Variants in SLC7A10 observed in about 807,000 individuals in gnomAD.
The protein encoded by SLC7A10 is solute carrier family 7 member 10, also known as asc-type amino acid transporter 1.
A neutral mutation model predicts 52.7 loss-of-function variants in SLC7A10; 30 were observed. The observed-to-expected ratio is 0.57, with a 90% CI of 0.43 to 0.77. The LOEUF (loss-of-function observed/expected upper bound fraction) is 0.77. SLC7A10 is among the 30% of genes least tolerant of loss of function. SLC7A10 has a pLI of 0.00. For missense variants in SLC7A10, 581 were observed against 698.5 expected, an observed-to-expected ratio of 0.83 and a Z score of 1.90; for synonymous variants, 318 against 314.9, an observed-to-expected ratio of 1.01 and a Z score of -0.10.
At chr19:33,215,634 C>T in intron 2 of SLC7A10, 135 bp downstream of exon 2, 1 of 897,024 alleles carries the variant, frequency 1.1e-6, no homozygotes, top group Non-Finnish European at 1.6e-6. Flanking sequence ...CCATCCACCC[C>T]CCACACCTTC....
At position 33,208,780 on chromosome 19, in the gene SLC7A10, A is replaced by G; in HGVS notation, c.*111T>C. On this transcript the variant is annotated 3_prime_UTR_variant, in exon 11 of 11. Coordinates refer to ENST00000253188, the MANE Select transcript of SLC7A10 (RefSeq NM_019849.3). This position sits in a 1 kb window ranked among gnomAD's most constrained non-coding sequence, Gnocchi z 4.7. Reference sequence around the variant, plus strand: ...CCTTAAACAGGCTTCTGAGAGTCGTATCTTTTTTCTTTTTTTTCCAGAAAA... The same window carrying G: ...CCTTAAACAGGCTTCTGAGAGTCGTGTCTTTTTTCTTTTTTTTCCAGAAAA... 6.9e-7 allele frequency: 1 copy of G among 1,447,804 alleles called. No individual in the cohort carries two copies. The highest frequency in any genetic ancestry group is 9.5e-7 in the Non-Finnish European group (1 of 1,047,714). The allele number at this position is 1,447,804 out of a possible 1,614,324, so 89.7% of individuals were successfully genotyped here.
chr19:33,223,308 A>G (rs939792091), intron 1 of SLC7A10, among the ~76,000 whole-genome samples: 3 of 28,692 alleles, frequency 1.0e-4, no homozygotes, highest in African/African-American at 3.8e-4. Context: ...ACTCTGTCTC[A>G]GAAAAAAAAA....
chr19:33,225,763 G>T lies in SLC7A10; in HGVS notation c.-60C>A, dbSNP rs1348545702. The T allele has an allele frequency of 7.0e-7, 1 of 1,436,690 alleles. No homozygotes were observed. The highest frequency in any genetic ancestry group is 3.1e-5 in the East Asian group (1 of 32,600). The allele number at this position is 1,436,690 out of a possible 1,614,324, so 89.0% of individuals were successfully genotyped here. A position where few individuals can be genotyped will look rare whatever the true frequency, so the allele number is the denominator to read the frequency against. The stretch of plus-strand genomic sequence containing the variant: ...GCCCCGTCTGTCCGGCCGGCCGCCC[G>T]TCGGTCCGTCGGTCCGTGAGCTCAC... On this transcript the variant is annotated 5_prime_UTR_variant, in exon 1 of 11. Coordinates refer to ENST00000253188, the MANE Select transcript of SLC7A10 (RefSeq NM_019849.3).
At chr19:33,216,839 C>T (rs1352054184) in intron 1 of SLC7A10, among the ~76,000 whole-genome samples, 3 of 152,146 alleles carry the variant, frequency 2.0e-5, no homozygotes, top group African/African-American at 7.2e-5. Flanking sequence ...CTCGGCCTCC[C>T]AAAGTGCTGG....
intron 2 of SLC7A10, among the ~76,000 whole-genome samples, chr19:33,213,577 T>C (rs1258384269): frequency 2.0e-5 from 3 of 152,198 alleles, no homozygotes; most frequent in African/African-American, 4.8e-5. Context: ...CGTGAGCCAC[T>C]GCGCCCAGTC....
rs1555731375 is a variant in SLC7A10, at chr19:33,208,758, T to TC, written c.*132_*133insG. ...CCCAGTCCACATTTTAGGGCTTCCT[T>TC]AAACAGGCTTCTGAGAGTCGTATCT... On this transcript the variant is annotated 3_prime_UTR_variant, in exon 11 of 11. Coordinates refer to ENST00000253188, the MANE Select transcript of SLC7A10 (RefSeq NM_019849.3). The surrounding 1 kb of genome is among the most constrained non-coding windows in gnomAD (Gnocchi z 4.7). 4 of 1,260,668 alleles carry TC rather than the reference T, an allele frequency of 3.2e-6. No homozygotes were observed. The East Asian group carries it at 9.9e-5, about 31-fold the overall frequency. The allele number at this position is 1,260,668 out of a possible 1,614,324, so 78.1% of individuals were successfully genotyped here.
rs550050711 is a variant in SLC7A10, at chr19:33,219,387, C to G, written c.152-3414G>C. Among the ~76,000 whole-genome samples the G allele has an allele frequency of 4.6e-5, 7 of 152,342 alleles. No individual in the cohort carries two copies. The South Asian group carries it at 1.4e-3, about 32-fold the overall frequency. The stretch of plus-strand genomic sequence containing the variant: ...TATTTCTGGAGGCAGCGGCAGACCA[C>G]TGAGGTCACAGGGGCGGCCCACGGA... On this transcript the variant is annotated intron_variant, in intron 1 of 10. Coordinates refer to ENST00000253188, the MANE Select transcript of SLC7A10 (RefSeq NM_019849.3).
At chr19:33,217,190 T>C (rs1291071910) in intron 1 of SLC7A10, among the ~76,000 whole-genome samples, 1 of 151,614 alleles carries the variant, frequency 6.6e-6, no homozygotes, top group Non-Finnish European at 1.5e-5. Context: ...CAAAAAAAAA[T>C]TGTAGAGTTG....
rs933366016 is a variant in SLC7A10, at chr19:33,210,789, T to C, written c.1113+13A>G. The C allele has an allele frequency of 1.4e-5, 23 of 1,612,624 alleles. No individual in the cohort carries two copies. Among genetic ancestry groups the C allele is most frequent in the Non-Finnish European group, 1.9e-5 (22 of 1,179,524 alleles). On this transcript the variant is annotated intron_variant, in intron 8 of 10. Coordinates refer to ENST00000253188, the MANE Select transcript of SLC7A10 (RefSeq NM_019849.3). The surrounding 1 kb of genome is among the most constrained non-coding windows in gnomAD (Gnocchi z 5.6). The stretch of plus-strand genomic sequence containing the variant: ...GCCTCCACGCCCTGCCTGGCCCAGG[T>C]CCCCCAACTTACACAGACGAGGAGG...
intron 1 of SLC7A10, among the ~76,000 whole-genome samples, chr19:33,222,906 G>A (rs1351176451): frequency 6.6e-6 from 1 of 152,240 alleles, no homozygotes; most frequent in Admixed American, 6.5e-5. Flanking sequence ...CTGAGCTGGA[G>A]CAGAGGGTAT....
chr19:33,219,551 G>A (rs1245459069), intron 1 of SLC7A10, among the ~76,000 whole-genome samples: 1 of 152,236 alleles, frequency 6.6e-6, no homozygotes. Flanking sequence ...GGACCCGACT[G>A]TGTGACTCAG....
At position 33,211,337 on chromosome 19, in the gene SLC7A10, G is replaced by A. The variant is rs1374310904; in HGVS notation, c.913-9C>T. 3 of 1,613,760 alleles carry A rather than the reference G, an allele frequency of 1.9e-6. No homozygotes were observed. Among genetic ancestry groups the A allele is most frequent in the East Asian group, 2.2e-5 (1 of 44,856 alleles). On this transcript the variant is annotated splice_polypyrimidine_tract_variant and intron_variant, in intron 6 of 10. Coordinates refer to ENST00000253188, the MANE Select transcript of SLC7A10 (RefSeq NM_019849.3). ...AGCTTCTCCCCGAAGGTCTGGGTGG[G>A]CACAGTAGAGAGGCCATGTGTAAGG...
Position 33,210,339 on chromosome 19 carries a change from GC to G in SLC7A10, c.1263+127del. ...GAATGGCTGCCTCAGTGCACAGAGAGCCCTGAGCAGGGCCCAACACTCCACA... is the reference window on the plus strand; with the variant it reads ...GAATGGCTGCCTCAGTGCACAGAGAGCCTGAGCAGGGCCCAACACTCCACA... On this transcript the variant is annotated intron_variant, in intron 9 of 10. Coordinates refer to ENST00000253188, the MANE Select transcript of SLC7A10 (RefSeq NM_019849.3). This position sits in a 1 kb window ranked among gnomAD's most constrained non-coding sequence, Gnocchi z 5.6. The G allele has an allele frequency of 8.5e-7, 1 of 1,176,316 alleles. No individual in the cohort carries two copies. The highest frequency in any genetic ancestry group is 1.2e-6 in the Non-Finnish European group (1 of 834,746). The allele number at this position is 1,176,316 out of a possible 1,614,324, so 72.9% of individuals were successfully genotyped here.
intron 7 of SLC7A10, 46 bp downstream of exon 7, chr19:33,211,178 CA>C: frequency 6.4e-7 from 1 of 1,564,932 alleles, no homozygotes. Context: ...TGCACACCTG[CA>C]CCCCAGCCTT....
intron 1 of SLC7A10, among the ~76,000 whole-genome samples, chr19:33,223,435 G>C (rs1568396939): frequency 1.3e-5 from 2 of 152,116 alleles, no homozygotes; most frequent in African/African-American, 2.4e-5. Context: ...AGGCTCCCCA[G>C]GGTATTGGTG....
chr19:33,211,580 G>A, intron 5 of SLC7A10, 43 bp from the exon 6 acceptor site: 5 of 1,612,880 alleles, frequency 3.1e-6, no homozygotes, highest in Non-Finnish European at 4.2e-6. Context: ...GCTCCTGAGG[G>A]TGCAGGACCC....
chr19:33,213,113 G>A lies in SLC7A10; in HGVS notation c.357-111C>T, dbSNP rs964600381. On this transcript the variant is annotated intron_variant, in intron 2 of 10. Transcript: ENST00000253188. ...CTGGGCCTGGCGCCCGGGGGCTGGC[G>A]AGGCTGCCAGAGGCCAGCACCGGTC... 15 of 1,402,136 alleles carry A rather than the reference G, an allele frequency of 1.1e-5. No individual in the cohort carries two copies. The Admixed American group carries it at 2.0e-4, about 19-fold the overall frequency. 86.9% of individuals were successfully genotyped at this position (1,402,136 alleles called of 1,614,324 possible). A position where few individuals can be genotyped will look rare whatever the true frequency, so the allele number is the denominator to read the frequency against.
chr19:33,211,845 A>G, intron 5 of SLC7A10: 1 of 496,126 alleles, frequency 2.0e-6, no homozygotes, highest in East Asian at 3.9e-5. Flanking sequence ...AAAATTCCCC[A>G]AAATGGCCCC....
chr19:33,218,696 T>TCTTTCTTTCTTTCTCTCTCTCTCTC (rs1599956014), intron 1 of SLC7A10, among the ~76,000 whole-genome samples: 1 of 73,864 alleles, frequency 1.4e-5, no homozygotes, highest in Non-Finnish European at 4.4e-5. Context: ...TTTTTTTTTT[T>TCTTTCTTTCTTTCTCTCTCTCTCTC]TAGTAGAGAT....
Sources: allele counts gnomAD v4.1 joint callset (sites outside exome capture counted in the v4.1 genomes callset), GRCh38; gene constraint gnomAD v4.1.1; non-coding constraint Gnocchi (gnomAD v3.1); transcripts MANE v1.5; gene names NCBI Gene and HGNC (gene_info 2026-07-23, HGNC 2026-07-21).